The following TIAM1 variants were observed in gnomAD, a reference collection of about 807,000 sequenced individuals.
TIAM1 encodes the protein rho guanine nucleotide exchange factor TIAM1.
TIAM1 carries 65 observed loss-of-function variants against 163.5 expected under a neutral mutation model. The ratio of observed to expected loss-of-function variants is 0.40; its 90% CI spans 0.33 to 0.49. The LOEUF (loss-of-function observed/expected upper bound fraction) is 0.49, where lower values mean the gene tolerates loss of function less well. Among genes scored for constraint, TIAM1 ranks in the 20% least tolerant of loss-of-function variants. TIAM1 has a pLI of 0.77. For missense variants in TIAM1, 1,789 were observed against 2,044.7 expected (o/e 0.87, Z 2.41); for synonymous variants, 833 against 810.1 (o/e 1.03, Z -0.48).
At chr21:31,362,611 C>T (rs546527960) in intron 2 of TIAM1, among the ~76,000 whole-genome samples, 68 of 151,932 alleles carry the variant, frequency 4.5e-4, no homozygotes, top group African/African-American at 1.5e-3. Context: ...TGACTACAGG[C>T]GCCCACTACC....
intron 1 of TIAM1, among the ~76,000 whole-genome samples, chr21:31,551,332 T>G (rs1262297637): frequency 6.6e-6 from 1 of 151,406 alleles, no homozygotes; most frequent in Non-Finnish European, 1.5e-5. Flanking sequence ...TGCTTGAACC[T>G]GGGAGGTGGA....
At chr21:31,466,889 T>C (rs748318369) in intron 1 of TIAM1, among the ~76,000 whole-genome samples, 12 of 151,854 alleles carry the variant, frequency 7.9e-5, no homozygotes, top group Non-Finnish European at 1.8e-4. Flanking sequence ...CCTGTGATAT[T>C]GAGGCAGATT....
At chr21:31,350,572 C>T (rs540742526) in intron 2 of TIAM1, among the ~76,000 whole-genome samples, 1 of 152,198 alleles carries the variant, frequency 6.6e-6, no homozygotes, top group Non-Finnish European at 1.5e-5. Flanking sequence ...AGTCAGTTCT[C>T]GCAAGATCTG....
At position 31,266,307 on chromosome 21, in the gene TIAM1, C is replaced by T. The variant is rs532251261; in HGVS notation, c.666G>A (p.Gln222=). Residue 222 remains glutamine (Q), a synonymous_variant, in exon 4 of 28, where the codon CAG becomes CAA. Transcript: ENST00000541036. ...AATTGGCTCTCTGACAGGTGCTGAGCTGCCGCGGACTCGCCCGCGTTTCCA... is the reference window on the plus strand; with the variant it reads ...AATTGGCTCTCTGACAGGTGCTGAGTTGCCGCGGACTCGCCCGCGTTTCCA... The part of the protein sequence containing the change: ...RGMETRASPR[Q]LSTCQRANSL... 39 of 1,614,232 alleles carry T rather than the reference C, an allele frequency of 2.4e-5. No individual in the cohort carries two copies. In the South Asian group the frequency reaches 4.2e-4, roughly 17 times the overall value.
At chr21:31,204,168 G>C (rs2086338371) in intron 11 of TIAM1, among the ~76,000 whole-genome samples, 1 of 152,188 alleles carries the variant, frequency 6.6e-6, no homozygotes, top group Non-Finnish European at 1.5e-5. Flanking sequence ...TATATTGCTA[G>C]AGAGAAAATG....
intron 1 of TIAM1, among the ~76,000 whole-genome samples, chr21:31,529,737 A>G (rs1010717348): frequency 6.6e-6 from 1 of 151,902 alleles, no homozygotes; most frequent in Non-Finnish European, 1.5e-5. Flanking sequence ...ACATGTGTTT[A>G]TAAACTTAAA....
intron 10 of TIAM1, among the ~76,000 whole-genome samples, chr21:31,210,794 GAAAGAA>G (rs2086838438): frequency 1.3e-5 from 2 of 148,300 alleles, no homozygotes; most frequent in African/African-American, 5.2e-5. Flanking sequence ...AAGAAAGAAA[GAAAGAA>G]AGAAAGAAAG....
chr21:31,288,620 G>A (rs1038607611), intron 2 of TIAM1, among the ~76,000 whole-genome samples: 3 of 152,154 alleles, frequency 2.0e-5, no homozygotes, highest in Admixed American at 1.3e-4. Flanking sequence ...CCAACATTCA[G>A]AGCATAGCAA....
At chr21:31,349,666 G>A (rs1323431191) in intron 2 of TIAM1, among the ~76,000 whole-genome samples, 1 of 152,208 alleles carries the variant, frequency 6.6e-6, no homozygotes, top group African/African-American at 2.4e-5. Context: ...AAGAATGCCA[G>A]GATAGCTTTA....
intron 1 of TIAM1, among the ~76,000 whole-genome samples, chr21:31,520,770 C>T (rs965520746): frequency 6.6e-6 from 1 of 152,246 alleles, no homozygotes; most frequent in Admixed American, 6.5e-5. Context: ...TGCACATCAA[C>T]ATAAAGAAAC....
chr21:31,487,702 C>G (rs1441831123), intron 1 of TIAM1, among the ~76,000 whole-genome samples: 3 of 151,668 alleles, frequency 2.0e-5, no homozygotes, highest in Non-Finnish European at 4.4e-5. Flanking sequence ...GGACTACAGG[C>G]GCCCGCCACC....
At chr21:31,503,292 G>A (rs975817049) in intron 1 of TIAM1, among the ~76,000 whole-genome samples, 13 of 151,514 alleles carry the variant, frequency 8.6e-5, no homozygotes, top group Non-Finnish European at 1.9e-4. Context: ...CTACTCAGGA[G>A]GCTGAGGCAC....
intron 8 of TIAM1, among the ~76,000 whole-genome samples, chr21:31,219,991 A>G (rs936976786): frequency 6.6e-6 from 1 of 152,256 alleles, no homozygotes; most frequent in African/African-American, 2.4e-5. Flanking sequence ...GCATATGCTC[A>G]CATGACTATG....
intron 12 of TIAM1, among the ~76,000 whole-genome samples, chr21:31,196,315 C>CT (rs1246136925): frequency 0.071 from 10,007 of 140,472 alleles, 486 homozygotes; most frequent in East Asian, 0.26. Context: ...TTTCTTTTTT[C>CT]TTTTTTTTTT....
chr21:31,373,939 A>AAGC (rs1311609390), intron 2 of TIAM1, among the ~76,000 whole-genome samples: 1 of 151,950 alleles, frequency 6.6e-6, no homozygotes, highest in Non-Finnish European at 1.5e-5. Context: ...CTCCCTCTGG[A>AAGC]AGCAGCAGCA....
chr21:31,280,235 G>A (rs546494151), intron 2 of TIAM1, among the ~76,000 whole-genome samples: 1 of 152,310 alleles, frequency 6.6e-6, no homozygotes, highest in African/African-American at 2.4e-5. Context: ...CACGTGTCAT[G>A]GGAGGGACCC....
At chr21:31,248,637 A>G (rs944896301) in intron 5 of TIAM1, among the ~76,000 whole-genome samples, 2 of 152,208 alleles carry the variant, frequency 1.3e-5, no homozygotes, top group African/African-American at 2.4e-5. Context: ...CAGTTCCAAC[A>G]TGTTCTGCTT....
chr21:31,410,510 T>C (rs956300488), intron 2 of TIAM1, among the ~76,000 whole-genome samples: 2 of 8,712 alleles, frequency 2.3e-4, no homozygotes, highest in Admixed American at 1.5e-3. Context: ...TGTGTATGTG[T>C]ATGTGAGAGT....
At chr21:31,310,125 C>T (rs1333468523) in intron 2 of TIAM1, among the ~76,000 whole-genome samples, 1 of 152,196 alleles carries the variant, frequency 6.6e-6, no homozygotes, top group African/African-American at 2.4e-5. Context: ...TTTCCAGGCC[C>T]ATCACAGCTA....
Sources: allele counts gnomAD v4.1 joint callset (sites outside exome capture counted in the v4.1 genomes callset), GRCh38; gene constraint gnomAD v4.1.1; transcripts MANE v1.5; gene names NCBI Gene and HGNC (gene_info 2026-07-23, HGNC 2026-07-21).